The following FMNL3 variants were observed in gnomAD, a reference collection of about 807,000 sequenced individuals.
FMNL3 encodes formin like 3, also known as formin-like protein 3.
In FMNL3, 57 loss-of-function variants were observed where a neutral mutation model predicts 119.6. That is an observed-to-expected ratio of 0.48 (90% confidence interval 0.39 to 0.59). The LOEUF (loss-of-function observed/expected upper bound fraction) is 0.59, where lower values mean the gene tolerates loss of function less well. Among genes scored for constraint, FMNL3 ranks in the 20% least tolerant of loss-of-function variants. FMNL3 has a pLI of 0.00. For missense variants in FMNL3, 1,053 were observed against 1,323.5 expected (o/e 0.80, Z 3.17); for synonymous variants, 491 against 507.3 (o/e 0.97, Z 0.43).
Position 49,641,569 on chromosome 12 carries a change from C to T in FMNL3, c.*4246G>A. ...GGCCAGCAAATGTTGATTGAGAATG[C>T]ATGGAAGCACTGCTGAGCAGCAGGA... On this transcript the variant is annotated 3_prime_UTR_variant, in exon 26 of 26. Transcript: ENST00000335154. 3.3e-6 allele frequency: 1 copy of T among 302,762 alleles called. No homozygotes were observed. The highest frequency in any genetic ancestry group is 6.2e-6 in the Non-Finnish European group (1 of 161,018). 18.8% of individuals were successfully genotyped at this position (302,762 alleles called of 1,614,324 possible).
At chr12:49,677,287 G>A (rs1354467630) in intron 1 of FMNL3, among the ~76,000 whole-genome samples, 1 of 152,186 alleles carries the variant, frequency 6.6e-6, no homozygotes, top group Non-Finnish European at 1.5e-5. Flanking sequence ...CAATATATAT[G>A]TTTATCATAA....
In FMNL3 at chr12:49,640,599, T is replaced by G. The variant is rs1247436700; in HGVS notation, c.*5216A>C. 2 of 152,186 alleles carry G rather than the reference T, an allele frequency of 1.3e-5. No homozygotes were observed. The highest frequency in any genetic ancestry group is 2.9e-5 in the Non-Finnish European group (2 of 68,022). 9.4% of individuals were successfully genotyped at this position (152,186 alleles called of 1,614,324 possible). On this transcript the variant is annotated 3_prime_UTR_variant, in exon 26 of 26. Coordinates refer to ENST00000335154, the MANE Select transcript of FMNL3 (RefSeq NM_175736.5). ...TGTTTTAGAGTCAGATTACTCCTGG[T>G]TGCTTATTGGCTCTGAGACCTCCGT...
In FMNL3 at chr12:49,651,964, C is replaced by T. The variant is rs756682705; in HGVS notation, c.1572G>A (p.Pro524=). The T allele has an allele frequency of 3.1e-5, 50 of 1,603,014 alleles. No homozygotes were observed. Among genetic ancestry groups the T allele is most frequent in the East Asian group, 1.6e-4 (7 of 44,572 alleles). ...ATGGGGGAGGTGGAGGGGGCAAGGG[C>T]GGAGCTGGTGGTGGAGGAAGAGGCA... ...EVLPLPPPPA[P]PLPPPPPPLP... The change falls in exon 14 of 26, where the codon CCG becomes CCA. Residue 524 remains proline, a synonymous_variant. Transcript: ENST00000335154.
At chr12:49,671,163 T>C (rs1190424482) in intron 1 of FMNL3, among the ~76,000 whole-genome samples, 1 of 152,208 alleles carries the variant, frequency 6.6e-6, no homozygotes, top group Non-Finnish European at 1.5e-5. Context: ...CTCATACTTC[T>C]CCACCAGGTG....
At chr12:49,704,526 C>A (rs912153532) in intron 1 of FMNL3, among the ~76,000 whole-genome samples, 2 of 152,058 alleles carry the variant, frequency 1.3e-5, no homozygotes, top group African/African-American at 4.8e-5. Context: ...GCCTGGCCAA[C>A]ATGGCGAAAC....
At chr12:49,682,963 G>A (rs1164510015) in intron 1 of FMNL3, among the ~76,000 whole-genome samples, 1 of 152,142 alleles carries the variant, frequency 6.6e-6, no homozygotes, top group African/African-American at 2.4e-5. Flanking sequence ...GGAGAGATAT[G>A]GGAGAGATTT....
chr12:49,693,371 T>C (rs761137684), intron 1 of FMNL3, among the ~76,000 whole-genome samples: 5 of 151,820 alleles, frequency 3.3e-5, no homozygotes, highest in Non-Finnish European at 7.4e-5. Flanking sequence ...GTTTGTTTGT[T>C]TTTTCACTTT....
At chr12:49,646,548 G>C (rs965412191) in intron 25 of FMNL3, 40 of 1,028,312 alleles carry the variant, frequency 3.9e-5, no homozygotes, top group Non-Finnish European at 1.9e-5. Flanking sequence ...GAGGGTGATT[G>C]CAAGTCATGC....
At chr12:49,652,542 C>G (rs2138747965) in intron 13 of FMNL3, among the ~76,000 whole-genome samples, 1 of 152,338 alleles carries the variant, frequency 6.6e-6, no homozygotes, top group South Asian at 2.1e-4. Flanking sequence ...CATAGCGGCT[C>G]TCTCCATAAC....
chr12:49,671,231 T>C (rs1356619590), intron 1 of FMNL3, among the ~76,000 whole-genome samples: 1 of 152,202 alleles, frequency 6.6e-6, no homozygotes, highest in East Asian at 1.9e-4. Context: ...AGTCACCCCC[T>C]TGGGGAGTCC....
intron 4 of FMNL3, among the ~76,000 whole-genome samples, chr12:49,665,329 T>C (rs1943860193): frequency 6.6e-6 from 1 of 152,076 alleles, no homozygotes; most frequent in African/African-American, 2.4e-5. Flanking sequence ...CTGCCCCCAG[T>C]GCCTTACATC....
chr12:49,643,146 C>T lies in FMNL3; in HGVS notation c.*2669G>A. ...ATTCCTTTGGCCCTGGGTCCTCCTCCTCTCTCGAATTCCCAGACGAGGGCT... is the reference window on the plus strand; with the variant it reads ...ATTCCTTTGGCCCTGGGTCCTCCTCTTCTCTCGAATTCCCAGACGAGGGCT... On this transcript the variant is annotated 3_prime_UTR_variant, in exon 26 of 26. Transcript: ENST00000335154. 1 of 1,593,148 alleles carries T rather than the reference C, an allele frequency of 6.3e-7. No homozygotes were observed. Among genetic ancestry groups the T allele is most frequent in the Non-Finnish European group, 8.6e-7 (1 of 1,164,544 alleles).
intron 1 of FMNL3, among the ~76,000 whole-genome samples, chr12:49,700,764 T>C (rs542205659): frequency 7.6e-6 from 1 of 131,138 alleles, no homozygotes; most frequent in South Asian, 2.4e-4. Context: ...TAAAATATTA[T>C]AGAGTACTAT....
At chr12:49,679,226 A>G (rs1321521043) in intron 1 of FMNL3, among the ~76,000 whole-genome samples, 3 of 152,204 alleles carry the variant, frequency 2.0e-5, no homozygotes, top group East Asian at 1.9e-4. Context: ...CCCGCATCAC[A>G]AAGCAAGCAT....
intron 1 of FMNL3, among the ~76,000 whole-genome samples, chr12:49,695,386 C>T (rs951113900): frequency 1.3e-5 from 2 of 151,900 alleles, no homozygotes; most frequent in Non-Finnish European, 1.5e-5. Flanking sequence ...TCCAACAGTC[C>T]TTTTAGCATG....
At position 49,680,624 on chromosome 12, in the gene FMNL3, G is replaced by A. The variant is rs1043976756; in HGVS notation, c.127-12070C>T. ...TTTTTACATCTCGTTTGATTGTACA[G>A]CTAGGAAAAAACACCTCTTTAGACT... On this transcript the variant is annotated intron_variant, in intron 1 of 25. Coordinates refer to ENST00000335154, the MANE Select transcript of FMNL3 (RefSeq NM_175736.5). Among the ~76,000 whole-genome samples the A allele has an allele frequency of 3.9e-5, 6 of 152,118 alleles. No individual in the cohort carries two copies. In the South Asian group the frequency reaches 1.0e-3, roughly 26 times the overall value.
Position 49,643,669 on chromosome 12 carries a change from G to C in FMNL3, c.*2146C>G. 1 of 1,610,712 alleles carries C rather than the reference G, an allele frequency of 6.2e-7. No individual in the cohort carries two copies. The highest frequency in any genetic ancestry group is 1.3e-5 in the African/African-American group (1 of 74,642). On this transcript the variant is annotated 3_prime_UTR_variant, in exon 26 of 26. Coordinates refer to ENST00000335154, the MANE Select transcript of FMNL3 (RefSeq NM_175736.5). Reference sequence around the variant, plus strand: ...CCTGTCTTTCTCCTGTTGGGACTTAGTAGGGATTTTTCTATCTCTAGATCA... The same window carrying C: ...CCTGTCTTTCTCCTGTTGGGACTTACTAGGGATTTTTCTATCTCTAGATCA...
intron 25 of FMNL3, chr12:49,646,534 G>A: frequency 1.1e-6 from 1 of 883,756 alleles, no homozygotes; most frequent in Non-Finnish European, 1.7e-6. Flanking sequence ...CTGGGAGGCT[G>A]CCAGAGGGTG....
At chr12:49,650,406 T>A (rs1943359704) in intron 17 of FMNL3, among the ~76,000 whole-genome samples, 1 of 152,138 alleles carries the variant, frequency 6.6e-6, no homozygotes, top group Admixed American at 6.5e-5. Context: ...ACCTCCCTAT[T>A]CTCCCAAAGC....
Sources: gnomAD v4.1 joint callset for allele counts (sites outside exome capture counted in the v4.1 genomes callset) on GRCh38, gnomAD v4.1.1 for gene constraint, MANE v1.5 for transcripts, NCBI Gene and HGNC (gene_info 2026-07-23, HGNC 2026-07-21) for gene names.